HPSE2: variants seen among roughly 807,000 people sequenced by gnomAD.
HPSE2 encodes heparanase 2 (inactive).
HPSE2 carries 38 observed loss-of-function variants against 60.5 expected under a neutral mutation model. That is an observed-to-expected ratio of 0.63 (90% CI 0.48 to 0.82). The LOEUF (loss-of-function observed/expected upper bound fraction) is 0.82. Among genes scored for constraint, HPSE2 ranks in the 40% least tolerant of loss-of-function variants. The pLI is 0.00. For missense variants in HPSE2, 713 were observed against 740.4 expected (o/e 0.96, Z 0.43); for synonymous variants, 295 against 293.2 (o/e 1.01, Z -0.06).
intron 9 of HPSE2, among the ~76,000 whole-genome samples, chr10:98,603,435 T>TTTTG (rs1945485509): frequency 6.8e-5 from 2 of 29,200 alleles, no homozygotes; most frequent in Non-Finnish European, 3.5e-4. Flanking sequence ...CACTCTGTTT[T>TTTTG]TTTGTTTTTT....
intron 3 of HPSE2, among the ~76,000 whole-genome samples, chr10:98,919,553 G>C (rs1954221891): frequency 6.6e-6 from 1 of 152,068 alleles, no homozygotes; most frequent in Admixed American, 6.6e-5. Flanking sequence ...TAATCTAACA[G>C]TACAGGAATA....
At chr10:99,195,609 G>T (rs927593836) in intron 2 of HPSE2, among the ~76,000 whole-genome samples, 2 of 151,872 alleles carry the variant, frequency 1.3e-5, no homozygotes, top group Non-Finnish European at 2.9e-5. Context: ...CCCACTTACA[G>T]TAGCAAGAAA....
At chr10:98,828,068 G>A (rs1951594159) in intron 3 of HPSE2, among the ~76,000 whole-genome samples, 1 of 152,116 alleles carries the variant, frequency 6.6e-6, no homozygotes, top group Admixed American at 6.5e-5. Flanking sequence ...TCTTCTCTGG[G>A]TGTCCTGCCT....
chr10:98,583,092 C>G (rs757024642), intron 9 of HPSE2, among the ~76,000 whole-genome samples: 2 of 152,162 alleles, frequency 1.3e-5, no homozygotes, highest in African/African-American at 2.4e-5. Flanking sequence ...AAGTCCAATC[C>G]AAAACTGCAT....
intron 3 of HPSE2, among the ~76,000 whole-genome samples, chr10:98,778,236 G>C (rs1028784563): frequency 8.1e-5 from 12 of 147,824 alleles, no homozygotes; most frequent in African/African-American, 3.0e-4. Context: ...GAAATCTGGA[G>C]ACTGCAGGAT....
chr10:98,723,680 G>T (rs1165497556), intron 4 of HPSE2, among the ~76,000 whole-genome samples: 1 of 152,050 alleles, frequency 6.6e-6, no homozygotes, highest in Admixed American at 6.6e-5. Flanking sequence ...ACTTCTTCCT[G>T]GTTTAGTCTT....
At chr10:98,802,529 T>C (rs1276470866) in intron 3 of HPSE2, among the ~76,000 whole-genome samples, 1 of 137,906 alleles carries the variant, frequency 7.3e-6, no homozygotes, top group East Asian at 2.2e-4. Flanking sequence ...GTCCATGTGT[T>C]CTCATTGTTC....
intron 8 of HPSE2, among the ~76,000 whole-genome samples, chr10:98,618,965 A>C (rs1473599102): frequency 6.6e-6 from 1 of 152,190 alleles, no homozygotes; most frequent in Admixed American, 6.5e-5. Flanking sequence ...GCTTGCTGAC[A>C]TTGTCTGTGC....
intron 3 of HPSE2, among the ~76,000 whole-genome samples, chr10:98,797,810 C>A (rs1950813547): frequency 1.3e-5 from 2 of 151,986 alleles, no homozygotes; most frequent in Admixed American, 1.3e-4. Flanking sequence ...CGCCACTGTA[C>A]TCCAGCCTGG....
chr10:98,695,822 C>A (rs1948197542), intron 5 of HPSE2, among the ~76,000 whole-genome samples: 1 of 152,144 alleles, frequency 6.6e-6, no homozygotes. Context: ...TGGCCCTATG[C>A]CTCTAAAATT....
chr10:99,171,189 A>C (rs1463743857), intron 2 of HPSE2, among the ~76,000 whole-genome samples: 1 of 152,212 alleles, frequency 6.6e-6, no homozygotes, highest in Non-Finnish European at 1.5e-5. Context: ...GCGTTTAGAT[A>C]AAAACAGCTA....
chr10:98,616,606 C>T (rs1025664867), intron 8 of HPSE2, among the ~76,000 whole-genome samples: 2 of 151,916 alleles, frequency 1.3e-5, no homozygotes, highest in Admixed American at 6.6e-5. Context: ...TTTACATTTA[C>T]AATTATATTT....
At chr10:99,249,418 G>A in the HPSE2 span, among the ~76,000 whole-genome samples, 5 of 152,302 alleles carry the variant, frequency 3.3e-5, no homozygotes, top group Admixed American at 3.3e-4. Context: ...CATAGGGCCT[G>A]CAGCCCCTCT....
intron 3 of HPSE2, among the ~76,000 whole-genome samples, chr10:98,775,489 A>T (rs1169996421): frequency 2.0e-5 from 3 of 152,188 alleles, no homozygotes; most frequent in African/African-American, 7.2e-5. Flanking sequence ...TCTGTGATGA[A>T]GCCCAACAAT....
intron 4 of HPSE2, among the ~76,000 whole-genome samples, chr10:98,735,361 G>A (rs1052793422): frequency 7.8e-6 from 1 of 127,686 alleles, no homozygotes; most frequent in Admixed American, 8.5e-5. Flanking sequence ...GATTTCAGAG[G>A]ATGTATAGAA....
intron 9 of HPSE2, among the ~76,000 whole-genome samples, chr10:98,511,076 C>T (rs1942374515): frequency 6.6e-6 from 1 of 151,782 alleles, no homozygotes; most frequent in South Asian, 2.1e-4. Context: ...CTGGAAACAT[C>T]TATTACAGTG....
At chr10:98,908,099 GTAATCAA>G (rs1953874475) in intron 3 of HPSE2, among the ~76,000 whole-genome samples, 1 of 152,140 alleles carries the variant, frequency 6.6e-6, no homozygotes, top group South Asian at 2.1e-4. Flanking sequence ...CCATACAACT[GTAATCAA>G]TAATAGTTAC....
chr10:98,937,614 T>C lies in HPSE2; in HGVS notation c.611-193558A>G, dbSNP rs1459784779. 1.2e-4 allele frequency among the ~76,000 whole-genome samples: 17 copies of C among 143,264 alleles called. 1 individual carries two copies. In the South Asian group the frequency reaches 1.5e-3, roughly 13 times the overall value. The allele number at this position is 143,264 out of a possible 152,430, so 94.0% of individuals were successfully genotyped here. A position where few individuals can be genotyped will look rare whatever the true frequency, so the allele number is the denominator to read the frequency against. ...CGAACTGGGTGGAGCCCACCACAGC[T>C]CAAGGAGGCCTGCCTGCCTCTGTAG... On this transcript the variant is annotated intron_variant, in intron 3 of 11. Coordinates refer to ENST00000370552, the MANE Select transcript of HPSE2 (RefSeq NM_021828.5).
intron 3 of HPSE2, among the ~76,000 whole-genome samples, chr10:98,779,989 A>AT (rs1373210876): frequency 5.3e-5 from 8 of 151,996 alleles, no homozygotes; most frequent in Non-Finnish European, 8.8e-5. Context: ...CATAATATAT[A>AT]TTTTTTTCTC....
Sources: allele counts gnomAD v4.1 joint callset (sites outside exome capture counted in the v4.1 genomes callset), GRCh38; gene constraint gnomAD v4.1.1; transcripts MANE v1.5; gene names NCBI Gene and HGNC (gene_info 2026-07-23, HGNC 2026-07-21).